Variants in JAK1 observed in about 807,000 individuals in gnomAD.
The protein encoded by JAK1 is tyrosine-protein kinase JAK1.
JAK1 carries 16 observed loss-of-function variants against 136.6 expected under a neutral mutation model. The ratio of observed to expected loss-of-function variants is 0.12; its 90% CI spans 0.08 to 0.18. The LOEUF is 0.18. Ranked by LOEUF, JAK1 falls within the 10% of genes least tolerant of loss-of-function variation. The pLI is 1.00. For synonymous variants in JAK1, 492 were observed against 519.5 expected (o/e 0.95, Z 0.72); for missense variants, 859 against 1,450.1 (o/e 0.59, Z 6.62).
chr1:64,865,951 G>A (rs1310520017), intron 7 of JAK1, among the ~76,000 whole-genome samples: 1 of 151,982 alleles, frequency 6.6e-6, no homozygotes, highest in African/African-American at 2.4e-5. Flanking sequence ...GTAAAGATAG[G>A]GTTTCACCAT....
chr1:64,879,812 T>C (rs1223839228), intron 3 of JAK1, among the ~76,000 whole-genome samples: 1 of 152,138 alleles, frequency 6.6e-6, no homozygotes, highest in Admixed American at 6.5e-5. Flanking sequence ...GGCCCAACAG[T>C]GCTCCCCTGC....
intron 1 of JAK1, among the ~76,000 whole-genome samples, chr1:64,909,303 A>AG (rs1163181193): frequency 1.3e-5 from 2 of 152,156 alleles, no homozygotes; most frequent in Non-Finnish European, 2.9e-5. Flanking sequence ...GTGGTGAAAG[A>AG]GGGGCTCAGA....
intron 11 of JAK1, among the ~76,000 whole-genome samples, chr1:64,851,514 C>T (rs1655592332): frequency 6.6e-6 from 1 of 152,166 alleles, no homozygotes; most frequent in Non-Finnish European, 1.5e-5. Context: ...CTGTCTGAAG[C>T]TCGTGGTACC....
intron 6 of JAK1, 28 bp downstream of exon 6, chr1:64,869,283 C>T: frequency 1.2e-6 from 2 of 1,604,612 alleles, no homozygotes; most frequent in African/African-American, 1.3e-5. Context: ...TCCTCACAAT[C>T]AATTCTTCAG....
rs142863938 is a variant in JAK1, at chr1:65,054,034, C to G, written c.-180-9452G>C. Among the ~76,000 whole-genome samples the G allele has an allele frequency of 2.6e-5, 4 of 152,306 alleles. No individual in the cohort carries two copies. In the East Asian group the frequency reaches 7.7e-4, roughly 29 times the overall value. ...TGGAGGTAGTCTAATGTTCCTAAAACTAAAATCTGATTTTAGTTTTAAAAG... is the reference window on the plus strand; with the variant it reads ...TGGAGGTAGTCTAATGTTCCTAAAAGTAAAATCTGATTTTAGTTTTAAAAG... On this transcript the variant is annotated intron_variant, in intron 1 of 25. Transcript: ENST00000671954.
intron 1 of JAK1, among the ~76,000 whole-genome samples, chr1:64,945,543 A>G (rs1343372234): frequency 6.6e-6 from 1 of 152,176 alleles, no homozygotes; most frequent in South Asian, 2.1e-4. Context: ...TGAAAAAAGC[A>G]AAGGGTGGAA....
At chr1:65,009,738 C>T (rs1458257429) in intron 2 of JAK1, among the ~76,000 whole-genome samples, 6 of 152,176 alleles carry the variant, frequency 3.9e-5, no homozygotes. Flanking sequence ...GTTATTCTCC[C>T]ATCTTACTGA....
At chr1:64,897,702 C>A (rs902452449) in intron 1 of JAK1, among the ~76,000 whole-genome samples, 2 of 151,704 alleles carry the variant, frequency 1.3e-5, no homozygotes, top group African/African-American at 4.8e-5. Flanking sequence ...CCTAAGGAGT[C>A]TGGATTTTCT....
intron 1 of JAK1, among the ~76,000 whole-genome samples, chr1:65,053,445 A>G (rs1319300114): frequency 1.3e-5 from 2 of 152,202 alleles, no homozygotes; most frequent in African/African-American, 4.8e-5. Flanking sequence ...TGTAAATATG[A>G]ATGCAGAGTT....
upstream of JAK1, among the ~76,000 whole-genome samples, chr1:64,968,727 T>A (rs1050880950): frequency 2.0e-5 from 3 of 151,474 alleles, no homozygotes; most frequent in African/African-American, 7.3e-5. Flanking sequence ...AGGTCAGGAG[T>A]TTGAGACCAG....
At chr1:64,880,187 C>T (rs557327058) in intron 3 of JAK1, among the ~76,000 whole-genome samples, 9 of 152,166 alleles carry the variant, frequency 5.9e-5, no homozygotes, top group Non-Finnish European at 1.2e-4. Context: ...CTACAGATAC[C>T]TTGGCAGCTA....
chr1:65,004,795 G>A (rs1465207925), intron 2 of JAK1, among the ~76,000 whole-genome samples: 2 of 152,208 alleles, frequency 1.3e-5, no homozygotes, highest in African/African-American at 4.8e-5. Context: ...GGGACTTCCA[G>A]TGATGAGCAG....
At chr1:64,838,678 T>C (rs1191303962) in intron 20 of JAK1, 89 bp from the exon 21 acceptor site, 16 of 1,372,946 alleles carry the variant, frequency 1.2e-5, no homozygotes, top group Non-Finnish European at 1.5e-5. Context: ...ACAGAGGCCC[T>C]GAGGTGACGC....
At chr1:65,058,843 C>T (rs1386126020) in intron 1 of JAK1, among the ~76,000 whole-genome samples, 3 of 152,174 alleles carry the variant, frequency 2.0e-5, no homozygotes, top group Admixed American at 1.3e-4. Context: ...GATTCACTGA[C>T]TGTGCCTCCC....
chr1:64,902,872 G>A (rs1037713179), intron 1 of JAK1, among the ~76,000 whole-genome samples: 1 of 152,042 alleles, frequency 6.6e-6, no homozygotes, highest in Non-Finnish European at 1.5e-5. Flanking sequence ...AGCTTCCTTT[G>A]CGGCAAGATA....
intron 2 of JAK1, among the ~76,000 whole-genome samples, chr1:65,038,291 C>T (rs1461312998): frequency 2.6e-5 from 4 of 151,254 alleles, no homozygotes; most frequent in South Asian, 4.2e-4. Context: ...CTCTGCCTCC[C>T]GGGGTCAAGC....
At chr1:65,065,686 G>A (rs760579675) in intron 1 of JAK1, among the ~76,000 whole-genome samples, 21 of 149,002 alleles carry the variant, frequency 1.4e-4, no homozygotes, top group Non-Finnish European at 2.5e-4. Context: ...CTTGGGAGGC[G>A]TTTTTTTTGG....
chr1:64,898,912 A>G (rs1490531607), intron 1 of JAK1, among the ~76,000 whole-genome samples: 1 of 152,210 alleles, frequency 6.6e-6, no homozygotes, highest in Non-Finnish European at 1.5e-5. Flanking sequence ...CATGGATCCC[A>G]CATTGCACCA....
chr1:65,031,843 A>C (rs1349334875), intron 2 of JAK1, among the ~76,000 whole-genome samples: 1 of 152,192 alleles, frequency 6.6e-6, no homozygotes, highest in Non-Finnish European at 1.5e-5. Flanking sequence ...TTCTGGGTTA[A>C]GGGCACACAG....
Sources: allele counts gnomAD v4.1 joint callset (sites outside exome capture counted in the v4.1 genomes callset), GRCh38; gene constraint gnomAD v4.1.1; transcripts MANE v1.5; gene names NCBI Gene and HGNC (gene_info 2026-07-23, HGNC 2026-07-21).